NFASC: variants seen among roughly 807,000 people sequenced by gnomAD.
NFASC encodes the protein neurofascin.
NFASC carries 43 observed loss-of-function variants against 147.5 expected under a neutral mutation model. The observed-to-expected ratio is 0.29, with a 90% confidence interval of 0.23 to 0.38. The LOEUF is 0.38. NFASC is among the 10% of genes least tolerant of loss of function. NFASC has a pLI of 1.00. For synonymous variants in NFASC, 622 were observed against 665.5 expected (o/e 0.93, Z 1.01); for missense variants, 1,320 against 1,689.0 (o/e 0.78, Z 3.83).
intron 3 of NFASC, 44 bp downstream of exon 3, chr1:204,944,450 G>T: frequency 7.4e-7 from 1 of 1,356,946 alleles, no homozygotes; most frequent in Non-Finnish European, 1.0e-6. Flanking sequence ...CCTGATTTTG[G>T]GCAGAGGGGT....
At chr1:204,981,589 G>A (rs1260625752) in intron 20 of NFASC, among the ~76,000 whole-genome samples, 10 of 152,280 alleles carry the variant, frequency 6.6e-5, no homozygotes, top group Admixed American at 6.5e-4. Flanking sequence ...CTGTGTCACA[G>A]AAAATCTGCA....
intron 27 of NFASC, among the ~76,000 whole-genome samples, chr1:205,007,265 A>G (rs1002246154): frequency 4.6e-5 from 7 of 152,016 alleles, no homozygotes; most frequent in African/African-American, 7.3e-5. Flanking sequence ...GCATGGTGAC[A>G]TGCACTCGTA....
At chr1:204,847,254 T>G (rs2075259310) in intron 1 of NFASC, among the ~76,000 whole-genome samples, 1 of 152,168 alleles carries the variant, frequency 6.6e-6, no homozygotes, top group Non-Finnish European at 1.5e-5. Flanking sequence ...CTACCAGATA[T>G]TCAAAGCTTA....
At chr1:204,878,771 G>A (rs58968856) in intron 1 of NFASC, among the ~76,000 whole-genome samples, 282 of 152,266 alleles carry the variant, frequency 1.9e-3, no homozygotes, top group African/African-American at 6.6e-3. Flanking sequence ...TAGGAGAGTC[G>A]GCAGATCTGG....
chr1:204,970,701 C>T lies in NFASC; in HGVS notation c.1089C>T (p.Asn363=). 1.2e-6 allele frequency: 2 copies of T among 1,614,196 alleles called. No individual in the cohort carries two copies. Among genetic ancestry groups the T allele is most frequent in the Non-Finnish European group, 1.7e-6 (2 of 1,180,040 alleles). ...DGRLVCRANG[N]PKPTVQWMVN... ...GACTGGTGTGTCGAGCCAATGGAAA[C>T]CCCAAACCCACTGTCCAGTGGATGG... Residue 363 remains asparagine, a synonymous_variant, in exon 11 of 30, where the codon AAC becomes AAT. Transcript: ENST00000339876.
At position 205,010,535 on chromosome 1, in the gene NFASC, A is replaced by G. The variant is rs1574490088; in HGVS notation, c.3421+847A>G. The G allele has an allele frequency of 6.6e-6, 1 of 152,244 alleles. No homozygotes were observed. Among genetic ancestry groups the G allele is most frequent in the African/African-American group, 2.4e-5 (1 of 41,450 alleles). The allele number at this position is 152,244 out of a possible 1,614,324, so 9.4% of individuals were successfully genotyped here. A position where few individuals can be genotyped will look rare whatever the true frequency, so the allele number is the denominator to read the frequency against. On this transcript the variant is annotated intron_variant, in intron 28 of 29. Coordinates refer to ENST00000339876, the MANE Select transcript of NFASC (RefSeq NM_001005388.3). The surrounding 1 kb of genome is among the most constrained non-coding windows in gnomAD (Gnocchi z 4.1). Reference sequence around the variant, plus strand: ...TGAGCCTGGAGAGGTCAAGGCTGCCATGAGGCGTGATTGTGCCACTGCACT... The same window carrying G: ...TGAGCCTGGAGAGGTCAAGGCTGCCGTGAGGCGTGATTGTGCCACTGCACT...
In NFASC at chr1:204,877,020, ATATATATAATATATATT is replaced by A. The variant is rs1468683267; in HGVS notation, c.-199-43603_-199-43587del. On this transcript the variant is annotated intron_variant, in intron 1 of 29. Transcript: ENST00000339876. ...TGTATATATATATATATATATATAT[ATATATATAATATATATT>A]TATATATATATAATATATTTATTTA... Among the ~76,000 whole-genome samples, 158 of 108,328 alleles carry A rather than the reference ATATATATAATATATATT, an allele frequency of 1.5e-3. 3 individuals are homozygous for A. The highest frequency in any genetic ancestry group is 6.0e-3 in the African/African-American group (143 of 23,762). The allele number at this position is 108,328 out of a possible 152,430, so 71.1% of individuals were successfully genotyped here. A position where few individuals can be genotyped will look rare whatever the true frequency, so the allele number is the denominator to read the frequency against.
In NFASC at chr1:204,981,090, A is replaced by G. The variant is rs114998956; in HGVS notation, c.2247+650A>G. ...ATATTAACATTTCTGAGCTTCTGCC[A>G]TGAGTAATGGAAACTGGGAGATGCA... is the stretch of plus-strand genomic sequence containing the variant. On this transcript the variant is annotated intron_variant, in intron 20 of 29. Coordinates refer to ENST00000339876, the MANE Select transcript of NFASC (RefSeq NM_001005388.3). Among the ~76,000 whole-genome samples, 1,301 of 152,368 alleles carry G rather than the reference A, an allele frequency of 8.5e-3. 7 individuals carry two copies. Among genetic ancestry groups the G allele is most frequent in the Middle Eastern group, 0.048 (14 of 294 alleles).
intron 8 of NFASC, among the ~76,000 whole-genome samples, chr1:204,963,913 T>C (rs1456033666): frequency 1.7e-4 from 26 of 152,234 alleles, no homozygotes; most frequent in African/African-American, 2.4e-5. Flanking sequence ...GTCTCTTTTG[T>C]AGCAGGAGGG....
intron 1 of NFASC, 64 bp from the exon 2 acceptor site, chr1:204,920,568 G>C (rs77713769): frequency 9.7e-6 from 8 of 821,780 alleles, no homozygotes; most frequent in African/African-American, 9.1e-5. Flanking sequence ...AACCACAAAG[G>C]CTTTTTTTTT....
At chr1:204,866,235 C>T (rs2077096732) in intron 1 of NFASC, among the ~76,000 whole-genome samples, 1 of 152,152 alleles carries the variant, frequency 6.6e-6, no homozygotes, top group Admixed American at 6.5e-5. Flanking sequence ...CCTCACACTG[C>T]CAAACCTCAG....
At chr1:204,864,244 G>A (rs185986566) in intron 1 of NFASC, among the ~76,000 whole-genome samples, 27 of 152,206 alleles carry the variant, frequency 1.8e-4, no homozygotes, top group African/African-American at 5.3e-4. Context: ...AATGCACACC[G>A]TTTTGTTTAT....
At chr1:204,897,923 A>T (rs893136140) in intron 1 of NFASC, among the ~76,000 whole-genome samples, 4 of 152,148 alleles carry the variant, frequency 2.6e-5, no homozygotes, top group African/African-American at 9.7e-5. Flanking sequence ...TTTTTCAAAG[A>T]GACAGGGTTT....
At chr1:204,906,536 C>T (rs1572815224) in intron 1 of NFASC, among the ~76,000 whole-genome samples, 1 of 152,180 alleles carries the variant, frequency 6.6e-6, no homozygotes, top group African/African-American at 2.4e-5. Flanking sequence ...TAGAACATTG[C>T]TTTATATTGC....
At chr1:204,936,198 CTTTTTCT>C (rs933737386) in intron 2 of NFASC, among the ~76,000 whole-genome samples, 3 of 71,890 alleles carry the variant, frequency 4.2e-5, no homozygotes, top group Admixed American at 2.0e-4. Flanking sequence ...CTCTCTCTTT[CTTTTTCT>C]TTTTTTTTTT....
At chr1:204,956,027 A>T (rs777357792) in intron 7 of NFASC, among the ~76,000 whole-genome samples, 1 of 152,130 alleles carries the variant, frequency 6.6e-6, no homozygotes, top group Non-Finnish European at 1.5e-5. Flanking sequence ...TCACTTGTTA[A>T]TTCACAGTTC....
At position 205,002,697 on chromosome 1, in the gene NFASC, C is replaced by A; in HGVS notation, c.3238C>A (p.Arg1080=). ...GACATACACGTTGCGGGTTTATTCC[C>A]GGGACAACGAGGGCATCAGCAGTAC... ...GMTYTLRVYS[R]DNEGISSTVI... is the part of the protein sequence containing the mutation. Residue 1080 remains arginine, a synonymous_variant, in exon 27 of 30, where the codon CGG becomes AGG. Coordinates refer to ENST00000339876, the MANE Select transcript of NFASC (RefSeq NM_001005388.3). The A allele has an allele frequency of 1.3e-6, 2 of 1,580,474 alleles. No individual in the cohort carries two copies. The highest frequency in any genetic ancestry group is 1.7e-6 in the Non-Finnish European group (2 of 1,155,368).
chr1:204,947,952 A>G (rs909545300), intron 3 of NFASC, among the ~76,000 whole-genome samples: 2 of 151,700 alleles, frequency 1.3e-5, no homozygotes, highest in African/African-American at 4.8e-5. Flanking sequence ...ACATATCCTC[A>G]CATGCTCACA....
intron 1 of NFASC, among the ~76,000 whole-genome samples, chr1:204,829,627 T>C (rs1671646395): frequency 6.6e-6 from 1 of 152,194 alleles, no homozygotes; most frequent in Admixed American, 6.5e-5. Context: ...GCAGCCACTC[T>C]ACTCCTCTAG....
Sources: allele counts gnomAD v4.1 joint callset (sites outside exome capture counted in the v4.1 genomes callset), GRCh38; gene constraint gnomAD v4.1.1; non-coding constraint Gnocchi (gnomAD v3.1); transcripts MANE v1.5; gene names NCBI Gene and HGNC (gene_info 2026-07-23, HGNC 2026-07-21).